Variants in SLCO1A2 observed in about 807,000 individuals in gnomAD.
The protein encoded by SLCO1A2 is solute carrier organic anion transporter family member 1A2, also known as OATP-1.
SLCO1A2 carries 67 observed loss-of-function variants against 69.0 expected under a neutral mutation model. The observed-to-expected ratio is 0.97, with a 90% CI of 0.80 to 1.19. SLCO1A2 has a LOEUF of 1.19. SLCO1A2 is among the 50% of genes most tolerant of loss of function. The pLI, the probability that SLCO1A2 is intolerant of heterozygous loss-of-function variation, is 0.00. For missense variants in SLCO1A2, 787 were observed against 793.7 expected, an observed-to-expected ratio of 0.99 and a Z score of 0.10; for synonymous variants, 260 against 265.9, an observed-to-expected ratio of 0.98 and a Z score of 0.22.
At chr12:21,347,076 T>C (rs985221363) in intron 2 of SLCO1A2, among the ~76,000 whole-genome samples, 5 of 151,992 alleles carry the variant, frequency 3.3e-5, no homozygotes, top group Non-Finnish European at 5.9e-5. Context: ...TTTTGATAAG[T>C]TGAATTAAAA....
chr12:21,355,290 A>C (rs1228985510), intron 2 of SLCO1A2, among the ~76,000 whole-genome samples: 6 of 152,178 alleles, frequency 3.9e-5, no homozygotes, highest in Non-Finnish European at 8.8e-5. Context: ...TATTTCCTGA[A>C]GTATGGCTTT....
chr12:21,395,836 C>T (rs1473172216), upstream of SLCO1A2, among the ~76,000 whole-genome samples: 1 of 152,100 alleles, frequency 6.6e-6, no homozygotes, highest in Non-Finnish European at 1.5e-5. Flanking sequence ...GGAAAACTAA[C>T]AAACAGAAAG....
intron 1 of SLCO1A2, chr12:21,379,452 T>C (rs1036292956): frequency 3.9e-5 from 6 of 152,248 alleles, no homozygotes; most frequent in African/African-American, 1.4e-4. Flanking sequence ...CTATTAATCG[T>C]GTCTTCAATT....
At chr12:21,296,341 A>C (rs1947703998) in intron 9 of SLCO1A2, among the ~76,000 whole-genome samples, 1 of 152,130 alleles carries the variant, frequency 6.6e-6, no homozygotes, top group African/African-American at 2.4e-5. Context: ...CCTGGGCTTA[A>C]GAGATGCTCC....
At chr12:21,412,160 C>T (rs1417931651) in intron 1 of SLCO1A2, among the ~76,000 whole-genome samples, 1 of 152,144 alleles carries the variant, frequency 6.6e-6, no homozygotes, top group African/African-American at 2.4e-5. Flanking sequence ...GCGGGCGGAT[C>T]ACCTGAGGTC....
intron 5 of SLCO1A2, among the ~76,000 whole-genome samples, chr12:21,306,568 C>T (rs1470992527): frequency 3.9e-5 from 6 of 152,156 alleles, no homozygotes; most frequent in Non-Finnish European, 7.4e-5. Flanking sequence ...CTCAGGTGAT[C>T]CATCCGTCTC....
At chr12:21,303,091 T>C (rs1246336096) in intron 6 of SLCO1A2, among the ~76,000 whole-genome samples, 2 of 152,108 alleles carry the variant, frequency 1.3e-5, no homozygotes, top group African/African-American at 4.8e-5. Flanking sequence ...TATAGTTATT[T>C]GGTTATGGAT....
intron 1 of SLCO1A2, among the ~76,000 whole-genome samples, chr12:21,374,924 C>T (rs1356700661): frequency 3.9e-5 from 6 of 151,948 alleles, no homozygotes; most frequent in Non-Finnish European, 7.4e-5. Flanking sequence ...GGTGATCCTC[C>T]CACCTCAGCC....
At position 21,315,326 on chromosome 12, in the gene SLCO1A2, G is replaced by A. The variant is rs1322098562; in HGVS notation, c.203-645C>T. 2.0e-5 allele frequency among the ~76,000 whole-genome samples: 3 copies of A among 152,148 alleles called. No homozygotes were observed. The East Asian group carries it at 5.8e-4, about 29-fold the overall frequency. ...AGGAATAAAAATGGCAATGAAAAATGTATCCGCATGTCTTAGGACGAAGCT... is the reference window on the plus strand; with the variant it reads ...AGGAATAAAAATGGCAATGAAAAATATATCCGCATGTCTTAGGACGAAGCT... On this transcript the variant is annotated intron_variant, in intron 3 of 14. Coordinates refer to ENST00000683939, the MANE Select transcript of SLCO1A2 (RefSeq NM_001386879.1).
intron 2 of SLCO1A2, chr12:21,319,690 A>G: frequency 3.1e-6 from 1 of 326,904 alleles, no homozygotes; most frequent in Non-Finnish European, 6.1e-6. Context: ...GTTTATCCTT[A>G]CTGCTTGCCT....
intron 2 of SLCO1A2, among the ~76,000 whole-genome samples, chr12:21,347,676 G>GGAA: frequency 7.2e-6 from 1 of 138,392 alleles, no homozygotes; most frequent in Admixed American, 7.1e-5. Context: ...AAGAAAGGAA[G>GGAA]GAAGGAAGGA....
At chr12:21,377,903 T>C (rs886101811) in intron 1 of SLCO1A2, among the ~76,000 whole-genome samples, 3 of 152,192 alleles carry the variant, frequency 2.0e-5, no homozygotes, top group African/African-American at 7.2e-5. Context: ...TCTTTTTATA[T>C]ATTAAAAATA....
At chr12:21,376,490 AT>A (rs1407059873) in intron 1 of SLCO1A2, 1 of 179,558 alleles carries the variant, frequency 5.6e-6, no homozygotes. Context: ...AATTGAACAG[AT>A]AGTGTGAATG....
intron 1 of SLCO1A2, among the ~76,000 whole-genome samples, chr12:21,374,684 A>G (rs1163919804): frequency 2.6e-5 from 4 of 152,324 alleles, no homozygotes; most frequent in Non-Finnish European, 5.9e-5. Context: ...GATAAGCAGA[A>G]TATCTGAATG....
chr12:21,411,064 C>T (rs549857714), intron 1 of SLCO1A2, among the ~76,000 whole-genome samples: 1 of 151,918 alleles, frequency 6.6e-6, no homozygotes, highest in Admixed American at 6.6e-5. Flanking sequence ...TTTTGATAAA[C>T]AAAAATTCTT....
intron 12 of SLCO1A2, among the ~76,000 whole-genome samples, chr12:21,288,026 AAAAAG>A (rs1946231210): frequency 6.6e-6 from 1 of 151,782 alleles, no homozygotes; most frequent in Non-Finnish European, 1.5e-5. Context: ...AAAAAAAAAA[AAAAAG>A]AATGAGACCC....
chr12:21,316,490 C>G (rs1950879661), intron 3 of SLCO1A2, among the ~76,000 whole-genome samples: 1 of 151,918 alleles, frequency 6.6e-6, no homozygotes, highest in Non-Finnish European at 1.5e-5. Context: ...TTATGAAACC[C>G]AGGGAATAGT....
chr12:21,400,515 T>G (rs1941653863), intron 1 of SLCO1A2, among the ~76,000 whole-genome samples: 1 of 151,904 alleles, frequency 6.6e-6, no homozygotes, highest in South Asian at 2.1e-4. Flanking sequence ...GACCCAGCCA[T>G]CCCATTACTG....
At position 21,318,239 on chromosome 12, in the gene SLCO1A2, C is replaced by A. The variant is rs1010825883; in HGVS notation, c.202+543G>T. Among the ~76,000 whole-genome samples, 14 of 152,136 alleles carry A rather than the reference C, an allele frequency of 9.2e-5. 1 individual carries two copies. Among genetic ancestry groups the A allele is most frequent in the African/African-American group, 3.4e-4 (14 of 41,514 alleles). ...GTTCACACCATTCTCCTGCTTCAGCCTCCCAAGTAGCTGGGACTACAGGCG... is the reference window on the plus strand; with the variant it reads ...GTTCACACCATTCTCCTGCTTCAGCATCCCAAGTAGCTGGGACTACAGGCG... On this transcript the variant is annotated intron_variant, in intron 3 of 14. Coordinates refer to ENST00000683939, the MANE Select transcript of SLCO1A2 (RefSeq NM_001386879.1).
Sources: gnomAD v4.1 joint callset for allele counts (sites outside exome capture counted in the v4.1 genomes callset) on GRCh38, gnomAD v4.1.1 for gene constraint, MANE v1.5 for transcripts, NCBI Gene and HGNC (gene_info 2026-07-23, HGNC 2026-07-21) for gene names.